VPS54: variants seen among roughly 807,000 people sequenced by gnomAD.
VPS54 encodes VPS54 subunit of GARP complex.
In VPS54, 45 loss-of-function variants were observed where a neutral mutation model predicts 121.5. That is an observed-to-expected ratio of 0.37 (90% CI 0.29 to 0.47). The LOEUF (loss-of-function observed/expected upper bound fraction) is 0.47. Among genes scored for constraint, VPS54 ranks in the 20% least tolerant of loss-of-function variants. The pLI, the probability that VPS54 is intolerant of heterozygous loss-of-function variation, is 0.99. For missense variants in VPS54, 1,090 were observed against 1,131.4 expected, an observed-to-expected ratio of 0.96 and a Z score of 0.52; for synonymous variants, 371 against 385.8, an observed-to-expected ratio of 0.96 and a Z score of 0.45.
chr2:63,978,488 T>C (rs1438092986), intron 3 of VPS54, among the ~76,000 whole-genome samples: 1 of 148,578 alleles, frequency 6.7e-6, no homozygotes, highest in South Asian at 2.1e-4. Flanking sequence ...GTGTGTAGAT[T>C]TGGAATTACT....
chr2:63,995,104 T>A (rs1677518616), intron 1 of VPS54, among the ~76,000 whole-genome samples: 1 of 152,222 alleles, frequency 6.6e-6, no homozygotes, highest in Non-Finnish European at 1.5e-5. Flanking sequence ...TTGCCATGTC[T>A]GGACTGCAAG....
chr2:63,913,612 C>G (rs1435262449), intron 17 of VPS54, among the ~76,000 whole-genome samples: 4 of 151,976 alleles, frequency 2.6e-5, no homozygotes, highest in Non-Finnish European at 5.9e-5. Flanking sequence ...TTGGGAAGTC[C>G]TATTTTCAAA....
chr2:63,963,852 TG>T, intron 6 of VPS54, among the ~76,000 whole-genome samples: 1 of 152,138 alleles, frequency 6.6e-6, no homozygotes, highest in Non-Finnish European at 1.5e-5. Context: ...ACCCAGAATG[TG>T]ATTTATATGC....
chr2:63,923,106 G>A (rs1184056277), intron 12 of VPS54, among the ~76,000 whole-genome samples: 1 of 152,068 alleles, frequency 6.6e-6, no homozygotes, highest in African/African-American at 2.4e-5. Context: ...GAGGTCAGGA[G>A]ACCGAGATCA....
rs181718970 is a variant in VPS54 at position 63,960,122 on chromosome 2, G to A, written c.1010+1936C>T. Among the ~76,000 whole-genome samples, 35 of 151,950 alleles carry A rather than the reference G, an allele frequency of 2.3e-4. 1 individual carries two copies. The East Asian group carries it at 6.0e-3, about 26-fold the overall frequency. On this transcript the variant is annotated intron_variant, in intron 7 of 22. Transcript: ENST00000272322. Reference sequence around the variant, plus strand: ...TGAGGTGAGAGAATGGCTTGAGCTGGTGGTGGGTGGGGAGTTAACAGGGTA... The same window carrying A: ...TGAGGTGAGAGAATGGCTTGAGCTGATGGTGGGTGGGGAGTTAACAGGGTA...
At chr2:63,969,203 T>C (rs1011326770) in intron 4 of VPS54, among the ~76,000 whole-genome samples, 2 of 152,156 alleles carry the variant, frequency 1.3e-5, no homozygotes, top group African/African-American at 4.8e-5. Flanking sequence ...TAATCAATTA[T>C]ATAGCAGCAA....
intron 20 of VPS54, among the ~76,000 whole-genome samples, chr2:63,902,319 G>A (rs67308158): frequency 0.13 from 19,388 of 152,130 alleles, 1,381 homozygotes; most frequent in Middle Eastern, 0.19. Context: ...CAACACCTCA[G>A]GCCCTACATT....
chr2:63,896,946 G>A (rs1672466907), intron 22 of VPS54, among the ~76,000 whole-genome samples: 1 of 152,078 alleles, frequency 6.6e-6, no homozygotes, highest in East Asian at 1.9e-4. Flanking sequence ...AGTTACAACA[G>A]CTAGTAAGTG....
At chr2:63,979,302 C>T (rs554770084) in intron 3 of VPS54, among the ~76,000 whole-genome samples, 13 of 149,012 alleles carry the variant, frequency 8.7e-5, no homozygotes, top group South Asian at 6.4e-4. Flanking sequence ...TGCAATGGTG[C>T]GATCTCGGCT....
intron 22 of VPS54, among the ~76,000 whole-genome samples, chr2:63,895,912 C>T (rs998259075): frequency 2.0e-5 from 3 of 152,154 alleles, no homozygotes; most frequent in Non-Finnish European, 2.9e-5. Flanking sequence ...TACTGGTCTA[C>T]AAAAACCCAA....
chr2:63,903,358 G>A (rs1672769567), intron 20 of VPS54, among the ~76,000 whole-genome samples: 1 of 152,156 alleles, frequency 6.6e-6, no homozygotes, highest in Admixed American at 6.5e-5. Flanking sequence ...CAAAAACTGA[G>A]ATGATTCATT....
intron 7 of VPS54, among the ~76,000 whole-genome samples, chr2:63,954,566 A>C (rs1675405491): frequency 6.6e-6 from 1 of 152,148 alleles, no homozygotes; most frequent in African/African-American, 2.4e-5. Flanking sequence ...AAGTAAAGAA[A>C]GTGGGATAGA....
rs745591184 is a variant in VPS54 at position 63,912,442 on chromosome 2, T to C, written c.2545-17A>G. On this transcript the variant is annotated splice_polypyrimidine_tract_variant and intron_variant, in intron 19 of 22. Coordinates refer to ENST00000272322, the MANE Select transcript of VPS54 (RefSeq NM_016516.3). ...ATGGTAGTCCTGCAATGAGAAATGA[T>C]AATTGTATTTTTAAGTCCCTGGGAC... 2 of 1,611,830 alleles carry C rather than the reference T, an allele frequency of 1.2e-6. No individual in the cohort carries two copies. The highest frequency in any genetic ancestry group is 1.3e-5 in the African/African-American group (1 of 74,818).
chr2:63,895,103 T>G (rs1013225718), intron 22 of VPS54, among the ~76,000 whole-genome samples: 7 of 151,544 alleles, frequency 4.6e-5, no homozygotes, highest in Non-Finnish European at 1.0e-4. Flanking sequence ...AAATAATTTA[T>G]TATTCTCTGT....
chr2:63,944,465 T>C (rs1559011124), intron 10 of VPS54, 135 bp downstream of exon 10: 2 of 833,578 alleles, frequency 2.4e-6, no homozygotes, highest in Non-Finnish European at 3.8e-6. Context: ...TTCCACACTG[T>C]CACTTGTGAT....
chr2:63,926,389 T>C (rs997108192), intron 12 of VPS54, among the ~76,000 whole-genome samples: 1 of 152,210 alleles, frequency 6.6e-6, no homozygotes, highest in African/African-American at 2.4e-5. Flanking sequence ...TTTATTAATA[T>C]ATAGCTCAGG....
chr2:63,925,155 T>C (rs1424134857), intron 12 of VPS54, among the ~76,000 whole-genome samples: 1 of 152,162 alleles, frequency 6.6e-6, no homozygotes, highest in Non-Finnish European at 1.5e-5. Flanking sequence ...TATGGACAAC[T>C]GGCAAAAGGT....
chr2:63,998,738 T>A (rs1047549770), intron 1 of VPS54, among the ~76,000 whole-genome samples: 3 of 152,124 alleles, frequency 2.0e-5, no homozygotes, highest in African/African-American at 7.2e-5. Flanking sequence ...TTGTTTCTAT[T>A]TATATTTTAC....
chr2:63,934,906 T>C (rs1210481467), intron 11 of VPS54, among the ~76,000 whole-genome samples: 2 of 152,184 alleles, frequency 1.3e-5, no homozygotes, highest in Non-Finnish European at 2.9e-5. Context: ...ACTGCTTGCC[T>C]ATTTTAACAT....
Sources: allele counts gnomAD v4.1 joint callset (sites outside exome capture counted in the v4.1 genomes callset), GRCh38; gene constraint gnomAD v4.1.1; transcripts MANE v1.5; gene names NCBI Gene and HGNC (gene_info 2026-07-23, HGNC 2026-07-21).